The following KSR2 variants were observed in gnomAD, a reference collection of about 807,000 sequenced individuals.
KSR2 encodes kinase suppressor of ras 2.
In KSR2, 25 loss-of-function variants were observed where a neutral mutation model predicts 107.8. The observed-to-expected ratio is 0.23, with a 90% CI of 0.17 to 0.32. The LOEUF (loss-of-function observed/expected upper bound fraction) is 0.32. KSR2 is among the 10% of genes least tolerant of loss of function. The probability of loss-of-function intolerance (pLI) is 1.00; values close to 1 mark genes in which losing one functional copy is unlikely to be tolerated. For synonymous variants in KSR2, 480 were observed against 507.0 expected (o/e 0.95, Z 0.71); for missense variants, 887 against 1,268.9 (o/e 0.70, Z 4.57).
chr12:117,828,556 G>A (rs1376007802), intron 3 of KSR2, among the ~76,000 whole-genome samples: 1 of 152,162 alleles, frequency 6.6e-6, no homozygotes, highest in Admixed American at 6.5e-5. Context: ...CCCATTCCCA[G>A]ATAAGGAAGC....
rs543955048 is a variant in KSR2, at chr12:117,653,850, A to G, written c.1171+13624T>C. ...AGGCTGCCAGTTTTGAGTGGGGTCC[A>G]GAACAGGAGAAGGCTCTGCAACAGG... On this transcript the variant is annotated intron_variant, in intron 5 of 19. Transcript: ENST00000339824. Among the ~76,000 whole-genome samples the G allele has an allele frequency of 5.3e-4, 81 of 152,332 alleles. 3 individuals are homozygous for G. Among genetic ancestry groups the G allele is most frequent in the Middle Eastern group, 3.4e-3 (1 of 294 alleles).
intron 4 of KSR2, among the ~76,000 whole-genome samples, chr12:117,731,343 C>CACG (rs1887688390): frequency 7.2e-6 from 1 of 139,454 alleles, no homozygotes; most frequent in Admixed American, 7.0e-5. Context: ...GAGGAGCCCC[C>CACG]CCGCCCAGCA....
At chr12:117,574,252 G>A (rs1025428352) in intron 7 of KSR2, among the ~76,000 whole-genome samples, 10 of 151,870 alleles carry the variant, frequency 6.6e-5, no homozygotes, top group South Asian at 2.1e-4. Context: ...TCAAGTTTGA[G>A]AACCATTATC....
Position 117,931,639 on chromosome 12 carries a change from C to T in KSR2, c.180+36437G>A, listed in dbSNP as rs1593379793. Reference sequence around the variant, plus strand: ...TCATACGTGTCAAGATTCAAGACTGCATCTTGCTATTCTGCTTTAGGAATT... The same window carrying T: ...TCATACGTGTCAAGATTCAAGACTGTATCTTGCTATTCTGCTTTAGGAATT... On this transcript the variant is annotated intron_variant, in intron 1 of 19. Transcript: ENST00000339824. 3.3e-5 allele frequency among the ~76,000 whole-genome samples: 5 copies of T among 152,336 alleles called. No homozygotes were observed. The South Asian group carries it at 1.0e-3, about 32-fold the overall frequency.
chr12:117,770,749 C>T (rs957870470), intron 3 of KSR2, among the ~76,000 whole-genome samples: 5 of 151,364 alleles, frequency 3.3e-5, no homozygotes, highest in African/African-American at 9.7e-5. Context: ...AGGCAGATCA[C>T]GAGGTCAGGA....
Position 117,700,803 on chromosome 12 carries a change from G to A in KSR2, c.987-33145C>T, listed in dbSNP as rs372395072. On this transcript the variant is annotated intron_variant, in intron 4 of 19. Coordinates refer to ENST00000339824, the MANE Select transcript of KSR2 (RefSeq NM_173598.6). ...GACAGAAAGGTTCATTCAGACGACC[G>A]AAACATCCTCTTAGCAGGTTTTTGT... is the stretch of plus-strand genomic sequence containing the variant. Among the ~76,000 whole-genome samples, 9 of 152,298 alleles carry A rather than the reference G, an allele frequency of 5.9e-5. No individual in the cohort carries two copies. The South Asian group carries it at 1.2e-3, about 21-fold the overall frequency.
chr12:117,659,167 G>A (rs1435468949), intron 5 of KSR2, among the ~76,000 whole-genome samples: 4 of 152,156 alleles, frequency 2.6e-5, no homozygotes, highest in Admixed American at 6.5e-5. Flanking sequence ...GTACCTGACC[G>A]AGGATCAGGA....
At chr12:117,608,306 T>C (rs1262891330) in intron 5 of KSR2, among the ~76,000 whole-genome samples, 3 of 152,250 alleles carry the variant, frequency 2.0e-5, no homozygotes, top group Admixed American at 6.5e-5. Flanking sequence ...AGCCATATAG[T>C]AGCTGTTCGA....
intron 5 of KSR2, among the ~76,000 whole-genome samples, chr12:117,665,145 C>A (rs1041704142): frequency 6.6e-6 from 1 of 152,028 alleles, no homozygotes; most frequent in African/African-American, 2.4e-5. Context: ...TTTTGAAGAA[C>A]CAAGACTGTC....
At chr12:117,612,043 T>C (rs189255562) in intron 5 of KSR2, among the ~76,000 whole-genome samples, 28 of 152,262 alleles carry the variant, frequency 1.8e-4, no homozygotes, top group Non-Finnish European at 3.5e-4. Context: ...AAGTGGATGG[T>C]AGTGATGGTT....
At chr12:117,937,107 G>A (rs375838226) in intron 1 of KSR2, among the ~76,000 whole-genome samples, 7 of 152,214 alleles carry the variant, frequency 4.6e-5, no homozygotes, top group South Asian at 2.1e-4. Flanking sequence ...AAGGAAATGT[G>A]ATTATACACA....
At chr12:117,739,921 A>AT (rs774348980) in intron 4 of KSR2, among the ~76,000 whole-genome samples, 38 of 150,070 alleles carry the variant, frequency 2.5e-4, no homozygotes, top group Non-Finnish European at 3.0e-4. Context: ...AAAAGCTTGT[A>AT]TTTTTTTTTA....
In KSR2 at chr12:117,860,315, G is replaced by A. The variant is rs1204615805; in HGVS notation, c.297C>T (p.Val99=). ...CCTCCAGGACCTCCTTGCGCACATC[G>A]ACGATTCGGAACCAGTGCCGTAGCT... is the stretch of plus-strand genomic sequence containing the variant. The part of the protein sequence containing the change: ...FPQLRHWFRI[V]DVRKEVLEEI... Residue 99 remains valine, a synonymous_variant, in exon 2 of 20, where the codon GTC becomes GTT. Transcript: ENST00000339824. 14 of 1,613,624 alleles carry A rather than the reference G, an allele frequency of 8.7e-6. No individual in the cohort carries two copies. Among genetic ancestry groups the A allele is most frequent in the Non-Finnish European group, 1.0e-5 (12 of 1,179,614 alleles).
chr12:117,896,230 G>A (rs1025131406), intron 1 of KSR2, among the ~76,000 whole-genome samples: 8 of 152,164 alleles, frequency 5.3e-5, no homozygotes, highest in Non-Finnish European at 1.0e-4. Context: ...CTACAACATA[G>A]ATGAGCCTCA....
At chr12:117,526,626 T>C (rs2137240636) in intron 13 of KSR2, among the ~76,000 whole-genome samples, 1 of 152,302 alleles carries the variant, frequency 6.6e-6, no homozygotes, top group South Asian at 2.1e-4. Flanking sequence ...GGGCCAGGAC[T>C]CCATGGTTTC....
intron 1 of KSR2, among the ~76,000 whole-genome samples, chr12:117,913,372 T>G (rs562881061): frequency 6.6e-6 from 1 of 152,198 alleles, no homozygotes; most frequent in East Asian, 1.9e-4. Context: ...TTTCCACATA[T>G]CTAACCTCTC....
chr12:117,849,954 A>AAT (rs1233814085), intron 3 of KSR2, among the ~76,000 whole-genome samples: 17 of 152,248 alleles, frequency 1.1e-4, no homozygotes, highest in African/African-American at 4.1e-4. Context: ...TGGGGCTATT[A>AAT]AGATGAATAC....
At chr12:117,830,714 A>T (rs887020675) in intron 3 of KSR2, among the ~76,000 whole-genome samples, 1 of 152,204 alleles carries the variant, frequency 6.6e-6, no homozygotes, top group African/African-American at 2.4e-5. Flanking sequence ...AACAAATTTA[A>T]GCTATGAGTT....
Position 117,968,773 on chromosome 12 carries a change from A to C in KSR2, c.-518T>G, listed in dbSNP as rs111511428. The C allele has an allele frequency of 0.037, 5,706 of 155,826 alleles. 287 individuals are homozygous for C. The highest frequency in any genetic ancestry group is 0.15 in the East Asian group (763 of 5,194). 9.7% of individuals were successfully genotyped at this position (155,826 alleles called of 1,614,324 possible). On this transcript the variant is annotated 5_prime_UTR_variant, in exon 1 of 20. Coordinates refer to ENST00000339824, the MANE Select transcript of KSR2 (RefSeq NM_173598.6). ...AAAAAATCTGGTTTTCCCCCCTCCCAGTTGCAGGGACACGGCATGGTCCAC... is the reference window on the plus strand; with the variant it reads ...AAAAAATCTGGTTTTCCCCCCTCCCCGTTGCAGGGACACGGCATGGTCCAC...
Sources: allele counts gnomAD v4.1 joint callset (sites outside exome capture counted in the v4.1 genomes callset), GRCh38; gene constraint gnomAD v4.1.1; transcripts MANE v1.5; gene names NCBI Gene and HGNC (gene_info 2026-07-23, HGNC 2026-07-21).